The following PTPRB variants were observed in gnomAD, a reference collection of about 807,000 sequenced individuals.
PTPRB encodes the protein protein tyrosine phosphatase receptor type B.
A neutral mutation model predicts 238.1 loss-of-function variants in PTPRB; 97 were observed. That is an observed-to-expected ratio of 0.41 (90% CI 0.35 to 0.48). The LOEUF is 0.48. Ranked by LOEUF, PTPRB falls within the 20% of genes least tolerant of loss-of-function variation. PTPRB has a pLI of 0.30. For missense variants in PTPRB, 2,292 were observed against 2,681.9 expected (o/e 0.85, Z 3.21); for synonymous variants, 970 against 995.4 (o/e 0.97, Z 0.48).
chr12:70,592,908 G>C (rs186440198), intron 6 of PTPRB, among the ~76,000 whole-genome samples: 1 of 152,104 alleles, frequency 6.6e-6, no homozygotes, highest in African/African-American at 2.4e-5. Context: ...GGCAAATGAG[G>C]CTAGGTCAAA....
intron 3 of PTPRB, among the ~76,000 whole-genome samples, chr12:70,612,588 C>A (rs1884505432): frequency 1.3e-5 from 2 of 152,096 alleles, no homozygotes; most frequent in Non-Finnish European, 2.9e-5. Context: ...TTCTTCCTTG[C>A]CACCAGGAAA....
At chr12:70,619,312 T>TGATAATCATGAC (rs1555239524) in intron 3 of PTPRB, among the ~76,000 whole-genome samples, 1 of 150,080 alleles carries the variant, frequency 6.7e-6, no homozygotes, top group Non-Finnish European at 1.5e-5. Context: ...ATGATGATGA[T>TGATAATCATGAC]GATAATGATA....
intron 1 of PTPRB, 45 bp downstream of exon 1, chr12:70,637,296 A>G: frequency 6.5e-7 from 1 of 1,548,980 alleles, no homozygotes; most frequent in Non-Finnish European, 8.8e-7. Context: ...CTCCTTGGCT[A>G]GATCTTGAAG....
chr12:70,600,008 G>A (rs1482015019), intron 4 of PTPRB, among the ~76,000 whole-genome samples: 1 of 150,334 alleles, frequency 6.7e-6, no homozygotes, highest in Non-Finnish European at 1.5e-5. Flanking sequence ...TATTTAGAAA[G>A]AGAAAGAAAG....
intron 24 of PTPRB, 22 bp from the exon 25 acceptor site, chr12:70,539,866 G>C: frequency 1.3e-6 from 2 of 1,575,634 alleles, no homozygotes; most frequent in South Asian, 2.2e-5. Flanking sequence ...AGCCAAAAGA[G>C]GAAGACTTTG....
Position 70,520,543 on chromosome 12 carries a change from A to G in PTPRB, c.*946T>C, listed in dbSNP as rs953553173. Reference sequence around the variant, plus strand: ...ATAATATTCTTTTAATGGGAAATCAAGTAGGAATGGATAATTGTGACTTTT... The same window carrying G: ...ATAATATTCTTTTAATGGGAAATCAGGTAGGAATGGATAATTGTGACTTTT... On this transcript the variant is annotated 3_prime_UTR_variant, in exon 34 of 34. Coordinates refer to ENST00000334414, the MANE Select transcript of PTPRB (RefSeq NM_001109754.4). 4.9e-5 allele frequency: 10 copies of G among 205,400 alleles called. No individual in the cohort carries two copies. Among genetic ancestry groups the G allele is most frequent in the Admixed American group, 1.7e-4 (3 of 17,332 alleles). 12.7% of individuals were successfully genotyped at this position (205,400 alleles called of 1,614,324 possible). A position where few individuals can be genotyped will look rare whatever the true frequency, so the allele number is the denominator to read the frequency against.
chr12:70,636,455 A>G lies in PTPRB; in HGVS notation c.56-389T>C, dbSNP rs113516494. On this transcript the variant is annotated intron_variant, in intron 1 of 33. Transcript: ENST00000334414. ...GAAATGCTCAGCTCCCTTTTTAACC[A>G]TTTGACATATTCGATATAAGCTTCC... Among the ~76,000 whole-genome samples the G allele has an allele frequency of 8.8e-3, 1,334 of 152,272 alleles. 6 individuals are homozygous for G. The highest frequency in any genetic ancestry group is 0.015 in the Non-Finnish European group (991 of 68,022).
At chr12:70,630,997 T>C (rs930519035) in intron 2 of PTPRB, among the ~76,000 whole-genome samples, 19 of 152,156 alleles carry the variant, frequency 1.2e-4, no homozygotes, top group African/African-American at 2.9e-4. Context: ...AAAATGGCCA[T>C]ACTGCCCAAG....
At chr12:70,579,979 A>G (rs1340829142) in intron 10 of PTPRB, among the ~76,000 whole-genome samples, 1 of 152,018 alleles carries the variant, frequency 6.6e-6, no homozygotes, top group Non-Finnish European at 1.5e-5. Context: ...ACTTAAAATA[A>G]TTATATAAAA....
chr12:70,526,876 C>A (rs1200446452), intron 32 of PTPRB, among the ~76,000 whole-genome samples: 1 of 152,168 alleles, frequency 6.6e-6, no homozygotes, highest in East Asian at 1.9e-4. Context: ...CAATGATTCA[C>A]CGTGGGCTTT....
chr12:70,598,071 G>A (rs996359747), intron 4 of PTPRB, among the ~76,000 whole-genome samples: 1 of 152,172 alleles, frequency 6.6e-6, no homozygotes, highest in South Asian at 2.1e-4. Flanking sequence ...CGAAACACAG[G>A]TGAGCTTGGA....
At chr12:70,579,127 C>T (rs1395872501) in intron 10 of PTPRB, among the ~76,000 whole-genome samples, 2 of 152,162 alleles carry the variant, frequency 1.3e-5, no homozygotes, top group East Asian at 1.9e-4. Flanking sequence ...GATACAACTG[C>T]AAATCACTGG....
intron 4 of PTPRB, among the ~76,000 whole-genome samples, chr12:70,598,695 G>T (rs1009325305): frequency 1.3e-5 from 2 of 152,180 alleles, no homozygotes; most frequent in Non-Finnish European, 1.5e-5. Context: ...GGACAAGGAT[G>T]AGAGGGACAG....
intron 32 of PTPRB, among the ~76,000 whole-genome samples, chr12:70,526,692 T>C (rs1872492168): frequency 5.9e-5 from 9 of 152,236 alleles, no homozygotes; most frequent in Admixed American, 5.2e-4. Flanking sequence ...CTCTTTTTGC[T>C]ACCTTAAAAA....
At chr12:70,542,442 G>A (rs1875285302) in intron 22 of PTPRB, 1 of 152,104 alleles carries the variant, frequency 6.6e-6, no homozygotes, top group South Asian at 2.1e-4. Context: ...GCCGGGTGTG[G>A]TGGCGCATGC....
At chr12:70,526,706 T>G (rs1450899605) in intron 32 of PTPRB, among the ~76,000 whole-genome samples, 1 of 152,164 alleles carries the variant, frequency 6.6e-6, no homozygotes, top group East Asian at 1.9e-4. Context: ...TTAAAAAGGA[T>G]CCACCAAATT....
At chr12:70,594,856 T>C (rs1445673095) in intron 5 of PTPRB, 132 bp from the exon 6 acceptor site, 8 of 1,182,058 alleles carry the variant, frequency 6.8e-6, no homozygotes, top group Non-Finnish European at 9.3e-6. Flanking sequence ...CATTAGTAAA[T>C]AACAGGATTC....
intron 3 of PTPRB, among the ~76,000 whole-genome samples, chr12:70,614,048 G>A (rs1275472800): frequency 1.3e-5 from 2 of 152,116 alleles, no homozygotes; most frequent in Non-Finnish European, 2.9e-5. Flanking sequence ...GGAGAAGGAG[G>A]AGGGAGGCAG....
chr12:70,599,644 T>C (rs887404017), intron 4 of PTPRB, among the ~76,000 whole-genome samples: 8 of 152,206 alleles, frequency 5.3e-5, no homozygotes, highest in African/African-American at 1.9e-4. Context: ...GTAAGTTCTA[T>C]AATATTCATT....
Sources: gnomAD v4.1 joint callset for allele counts (sites outside exome capture counted in the v4.1 genomes callset) on GRCh38, gnomAD v4.1.1 for gene constraint, MANE v1.5 for transcripts, NCBI Gene and HGNC (gene_info 2026-07-23, HGNC 2026-07-21) for gene names.